The following CHD8 variants were observed in gnomAD, a reference collection of about 807,000 sequenced individuals.
The protein encoded by CHD8 is chromodomain helicase DNA binding protein 8.
In CHD8, 31 loss-of-function variants were observed where a neutral mutation model predicts 279.2. That is an observed-to-expected ratio of 0.11 (90% CI 0.08 to 0.15). The LOEUF (loss-of-function observed/expected upper bound fraction) is 0.15. Among genes scored for constraint, CHD8 ranks in the 10% least tolerant of loss-of-function variants. The pLI, the probability that CHD8 is intolerant of heterozygous loss-of-function variation, is 1.00. For synonymous variants in CHD8, 1,081 were observed against 1,139.6 expected, an observed-to-expected ratio of 0.95 and a Z score of 1.04; for missense variants, 2,146 against 3,230.5, an observed-to-expected ratio of 0.66 and a Z score of 8.14.
At chr14:21,418,872 TA>T (rs1395946530) in intron 5 of CHD8, among the ~76,000 whole-genome samples, 1 of 151,950 alleles carries the variant, frequency 6.6e-6, no homozygotes, top group East Asian at 1.9e-4. Flanking sequence ...TAATCTAAGG[TA>T]AGAGAGAGCA....
rs2139462892 is a variant in CHD8, at chr14:21,400,674, A to G, written c.4371-62T>C. 17 of 1,428,674 alleles carry G rather than the reference A, an allele frequency of 1.2e-5. No homozygotes were observed. The South Asian group carries it at 2.0e-4, about 17-fold the overall frequency. 88.5% of individuals were successfully genotyped at this position (1,428,674 alleles called of 1,614,324 possible). The stretch of plus-strand genomic sequence containing the variant: ...AAATGACAGTCCCCTGTCCCTCAGA[A>G]TCATGTCTCTGAAAAGGTGTGAAAC... On this transcript the variant is annotated intron_variant, in intron 22 of 37. Coordinates refer to ENST00000646647, the MANE Select transcript of CHD8 (RefSeq NM_001170629.2). The surrounding 1 kb of genome is among the most constrained non-coding windows in gnomAD (Gnocchi z 4.2).
At position 21,427,919 on chromosome 14, in the gene CHD8, C is replaced by T. The variant is rs772669674; in HGVS notation, c.1551G>A (p.Lys517=). Residue 517 remains lysine, a synonymous_variant, in exon 4 of 38, where the codon AAG becomes AAA. Coordinates refer to ENST00000646647, the MANE Select transcript of CHD8 (RefSeq NM_001170629.2). ...AGERLKEEKP[K]KSKTSGASKT... ...TGGAGGCACCAGATGTTTTACTCTT[C>T]TTTGGCTTCTCCTCTTTCAGCCTCT... is the stretch of plus-strand genomic sequence containing the variant. 6.8e-6 allele frequency: 11 copies of T among 1,614,092 alleles called. No homozygotes were observed. Among genetic ancestry groups the T allele is most frequent in the Non-Finnish European group, 9.3e-6 (11 of 1,179,912 alleles).
In CHD8 at chr14:21,394,404, G is replaced by A; in HGVS notation, c.5472C>T (p.Phe1824=). 6.2e-7 allele frequency: 1 copy of A among 1,613,808 alleles called. No individual in the cohort carries two copies. The change falls in exon 31 of 38, where the codon TTC becomes TTT. Residue 1824 remains phenylalanine, a synonymous_variant. Transcript: ENST00000646647. ...CAAAAGTGCGGAAGCGATCCCAATG[G>A]AACTGCATGGTGTCAGGGTCATATT... The part of the protein sequence containing the change: ...GVEYDPDTMQ[F]HWDRFRTFAR...
rs751667544 is a variant in CHD8 at position 21,386,181 on chromosome 14, G to A, written c.7183-5C>T. On this transcript the variant is annotated splice_region_variant and splice_polypyrimidine_tract_variant and intron_variant, in intron 37 of 37. Coordinates refer to ENST00000646647, the MANE Select transcript of CHD8 (RefSeq NM_001170629.2). ...CACCGTTTCAGTGTGATGACCCTAG[G>A]AGGAGGGAATAGAAGATAATAAAAA... 2.6e-6 allele frequency: 4 copies of A among 1,550,158 alleles called. No homozygotes were observed. In the South Asian group the frequency reaches 3.6e-5, roughly 14 times the overall value.
Position 21,397,963 on chromosome 14 carries a change from A to C in CHD8, c.4922-11T>G. 6.2e-7 allele frequency: 1 copy of C among 1,600,384 alleles called. No individual in the cohort carries two copies. The highest frequency in any genetic ancestry group is 8.5e-7 in the Non-Finnish European group (1 of 1,172,434). ...TATATTTCTCATAGCCTAGAAGAAA[A>C]AGGGTCATAGTTGAAGAAAATGAGA... On this transcript the variant is annotated splice_polypyrimidine_tract_variant and intron_variant, in intron 26 of 37. Coordinates refer to ENST00000646647, the MANE Select transcript of CHD8 (RefSeq NM_001170629.2).
intron 1 of CHD8, among the ~76,000 whole-genome samples, chr14:21,441,468 T>C (rs1594389907): frequency 1.3e-5 from 2 of 152,290 alleles, no homozygotes; most frequent in East Asian, 1.9e-4. Context: ...TTATTGGCCT[T>C]TTGCTAAGAT....
At position 21,385,536 on chromosome 14, in the gene CHD8, C is replaced by A. The variant is rs1438491668; in HGVS notation, c.*77G>T. The A allele has an allele frequency of 6.1e-6, 9 of 1,465,356 alleles. No homozygotes were observed. Among genetic ancestry groups the A allele is most frequent in the Non-Finnish European group, 8.1e-6 (9 of 1,109,962 alleles). The allele number at this position is 1,465,356 out of a possible 1,614,324, so 90.8% of individuals were successfully genotyped here. On this transcript the variant is annotated 3_prime_UTR_variant, in exon 38 of 38. Coordinates refer to ENST00000646647, the MANE Select transcript of CHD8 (RefSeq NM_001170629.2). ...CTTCCCCACATCTCCCCTGCCCCTC[C>A]CACGTTTCCATAGTCCAAGGGCCAG...
At chr14:21,443,637 G>A (rs1175256262) in intron 1 of CHD8, among the ~76,000 whole-genome samples, 2 of 151,150 alleles carry the variant, frequency 1.3e-5, no homozygotes, top group Non-Finnish European at 3.0e-5. Context: ...GGTGGATCAC[G>A]AGGTCAGGAG....
chr14:21,408,892 GT>G lies in CHD8; in HGVS notation c.2365-68del. The G allele has an allele frequency of 6.8e-7, 1 of 1,463,696 alleles. No individual in the cohort carries two copies. The highest frequency in any genetic ancestry group is 9.3e-7 in the Non-Finnish European group (1 of 1,080,392). The allele number at this position is 1,463,696 out of a possible 1,614,324, so 90.7% of individuals were successfully genotyped here. A position where few individuals can be genotyped will look rare whatever the true frequency, so the allele number is the denominator to read the frequency against. On this transcript the variant is annotated intron_variant, in intron 11 of 37. Coordinates refer to ENST00000646647, the MANE Select transcript of CHD8 (RefSeq NM_001170629.2). The surrounding 1 kb of genome is among the most constrained non-coding windows in gnomAD (Gnocchi z 4.3). The stretch of plus-strand genomic sequence containing the variant: ...TCAAAAGGTAAGACTTACTAGGTAA[GT>G]TCTAATAGTTAAAATCAATTCAAAA...
chr14:21,395,186 AACCC>A, intron 29 of CHD8, 67 bp from the exon 30 acceptor site: 1 of 1,546,772 alleles, frequency 6.5e-7, no homozygotes, highest in Non-Finnish European at 8.8e-7. Flanking sequence ...CTAGTATTTT[AACCC>A]ACCCAAAGGC....
chr14:21,442,646 G>T (rs1034369265), intron 1 of CHD8, among the ~76,000 whole-genome samples: 3 of 122,760 alleles, frequency 2.4e-5, no homozygotes, highest in Non-Finnish European at 3.4e-5. Flanking sequence ...AAGGGGAGGA[G>T]AGGAGAGGGG....
At chr14:21,430,587 A>G (rs1360471778) in intron 2 of CHD8, 3 of 538,418 alleles carry the variant, frequency 5.6e-6, no homozygotes, top group South Asian at 2.3e-5. Context: ...GCTAGGTACA[A>G]TGTAAATGTG....
At chr14:21,397,205 T>C (rs1887826545) in intron 27 of CHD8, 1 of 399,990 alleles carries the variant, frequency 2.5e-6, no homozygotes, top group African/African-American at 2.0e-5. Context: ...GGTCCTACAC[T>C]AGGCAAACTG....
rs1378968481 is a variant in CHD8 at position 21,391,523 on chromosome 14, A to T, written c.7005T>A (p.Ala2335=). ...GACCCTGTAACCACATCTCCAGTTC[A>T]GCCCGGCGAGGGGCATCCTCACCCA... ...LLVGEDAPRR[A]ELEMWLQGHP... is the part of the protein sequence containing the mutation. Residue 2335 remains alanine (A), a synonymous_variant, in exon 36 of 38, where the codon GCT becomes GCA. Transcript: ENST00000646647. The T allele has an allele frequency of 6.2e-7, 1 of 1,613,956 alleles. No individual in the cohort carries two copies.
chr14:21,392,815 T>A lies in CHD8; in HGVS notation c.6469-6A>T. ...CGGTTTATCAGGACACGATCCTGAA[T>A]GGGGAAAGAAAGAAATACCATTTTA... On this transcript the variant is annotated splice_polypyrimidine_tract_variant and splice_region_variant and intron_variant, in intron 33 of 37. Transcript: ENST00000646647. The A allele has an allele frequency of 6.2e-7, 1 of 1,612,706 alleles. No homozygotes were observed. Among genetic ancestry groups the A allele is most frequent in the Non-Finnish European group, 8.5e-7 (1 of 1,178,982 alleles).
At chr14:21,395,440 C>T in intron 28 of CHD8, 88 bp from the exon 29 acceptor site, 1 of 861,460 alleles carries the variant, frequency 1.2e-6, no homozygotes, top group Non-Finnish European at 1.9e-6. Flanking sequence ...TGTGTGTGTC[C>T]TTCTATGGCA....
intron 1 of CHD8, among the ~76,000 whole-genome samples, chr14:21,443,049 GT>G (rs1270636686): frequency 2.0e-5 from 3 of 152,134 alleles, no homozygotes; most frequent in Admixed American, 1.3e-4. Flanking sequence ...AATTTTGACT[GT>G]AAATAACTAA....
rs1002236721 is a variant in CHD8, at chr14:21,412,008, G to A, written c.2226+905C>T. On this transcript the variant is annotated intron_variant, in intron 10 of 37. Coordinates refer to ENST00000646647, the MANE Select transcript of CHD8 (RefSeq NM_001170629.2). Reference sequence around the variant, plus strand: ...GAATCTGGGAGGCGGAGGTTGCAATGAGCCAAGATCACACCATTGCACCCC... The same window carrying A: ...GAATCTGGGAGGCGGAGGTTGCAATAAGCCAAGATCACACCATTGCACCCC... Among the ~76,000 whole-genome samples, 18 of 151,716 alleles carry A rather than the reference G, an allele frequency of 1.2e-4. No individual in the cohort carries two copies. The South Asian group carries it at 3.5e-3, about 30-fold the overall frequency.
At chr14:21,389,012 C>T (rs917365746) in intron 37 of CHD8, among the ~76,000 whole-genome samples, 3 of 152,126 alleles carry the variant, frequency 2.0e-5, no homozygotes, top group Non-Finnish European at 2.9e-5. Flanking sequence ...TTTAAAAATA[C>T]AACTATTGAC....
Sources: allele counts gnomAD v4.1 joint callset (sites outside exome capture counted in the v4.1 genomes callset), GRCh38; gene constraint gnomAD v4.1.1; non-coding constraint Gnocchi (gnomAD v3.1); transcripts MANE v1.5; gene names NCBI Gene and HGNC (gene_info 2026-07-23, HGNC 2026-07-21).